Variants in SLCO3A1 observed in about 807,000 individuals in gnomAD.
The protein encoded by SLCO3A1 is solute carrier organic anion transporter family member 3A1.
SLCO3A1 carries 27 observed loss-of-function variants against 63.1 expected under a neutral mutation model. The observed-to-expected ratio is 0.43, with a 90% CI of 0.32 to 0.59. The LOEUF (loss-of-function observed/expected upper bound fraction) is 0.59, where lower values mean the gene tolerates loss of function less well. SLCO3A1 is among the 20% of genes least tolerant of loss of function. The pLI is 0.09. For synonymous variants in SLCO3A1, 473 were observed against 409.9 expected, an observed-to-expected ratio of 1.15 and a Z score of -1.86; for missense variants, 773 against 945.8, an observed-to-expected ratio of 0.82 and a Z score of 2.40.
chr15:91,979,687 A>G (rs574611112), intron 2 of SLCO3A1, among the ~76,000 whole-genome samples: 1 of 152,358 alleles, frequency 6.6e-6, no homozygotes, highest in African/African-American at 2.4e-5. Flanking sequence ...GCTTTATCTC[A>G]TTAAACCTCC....
At chr15:92,117,053 G>A (rs1428998728) in intron 4 of SLCO3A1, among the ~76,000 whole-genome samples, 1 of 152,178 alleles carries the variant, frequency 6.6e-6, no homozygotes, top group Non-Finnish European at 1.5e-5. Context: ...CTTCTATCTT[G>A]ACAAGGAATC....
rs1049195476 is a variant in SLCO3A1, at chr15:92,033,500, A to G, written c.647-61381A>G. Among the ~76,000 whole-genome samples the G allele has an allele frequency of 6.6e-6, 1 of 152,212 alleles. No individual in the cohort carries two copies. Among genetic ancestry groups the G allele is most frequent in the Non-Finnish European group, 1.5e-5 (1 of 68,040 alleles). On this transcript the variant is annotated intron_variant, in intron 2 of 9. Transcript: ENST00000318445. The surrounding 1 kb of genome is among the most constrained non-coding windows in gnomAD (Gnocchi z 4.5). ...GGAACTAAATGCCGAGACGGTGGGC[A>G]AAGGAGAACGAGGGAGGAGCAGAGG...
intron 3 of SLCO3A1, chr15:92,098,068 G>A (rs542980815): frequency 2.7e-3 from 418 of 152,496 alleles, no homozygotes; most frequent in South Asian, 7.7e-3. Flanking sequence ...TGGGGTCCAG[G>A]AAAAGCAGCA....
At chr15:91,919,171 G>A (rs1015949690) in intron 2 of SLCO3A1, among the ~76,000 whole-genome samples, 11 of 152,314 alleles carry the variant, frequency 7.2e-5, no homozygotes, top group Admixed American at 6.5e-5. Context: ...TGGCCGTGTC[G>A]TAGCTTCCAC....
chr15:91,906,156 C>T (rs993671729), intron 1 of SLCO3A1, among the ~76,000 whole-genome samples: 1 of 152,178 alleles, frequency 6.6e-6, no homozygotes, highest in Non-Finnish European at 1.5e-5. Context: ...ACGTAAAGCG[C>T]TCCATACTGG....
chr15:91,889,045 AC>A (rs1416133262), intron 1 of SLCO3A1: 20 of 701,180 alleles, frequency 2.9e-5, no homozygotes, highest in Middle Eastern at 3.5e-4. Flanking sequence ...AAAAAAAAAA[AC>A]CTACAATTAT....
Position 92,029,987 on chromosome 15 carries a change from T to A in SLCO3A1, c.647-64894T>A, listed in dbSNP as rs373504783. On this transcript the variant is annotated intron_variant, in intron 2 of 9. Transcript: ENST00000318445. ...GCCGGCTCAGTCTGGCTTCAACCGT[T>A]GCATTATTACTCTAATAAAATGTCC... 9.2e-5 allele frequency among the ~76,000 whole-genome samples: 14 copies of A among 152,246 alleles called. No homozygotes were observed. In the East Asian group the frequency reaches 1.9e-3, roughly 21 times the overall value.
chr15:92,097,852 C>T (rs1036101309), intron 3 of SLCO3A1: 2 of 152,186 alleles, frequency 1.3e-5, no homozygotes, highest in African/African-American at 4.8e-5. Flanking sequence ...TGTTTCTAGT[C>T]TTGTGAAACT....
chr15:91,913,806 G>T (rs975918202), intron 1 of SLCO3A1, among the ~76,000 whole-genome samples: 1 of 152,128 alleles, frequency 6.6e-6, no homozygotes, highest in South Asian at 2.1e-4. Flanking sequence ...AGACACACCC[G>T]GTTGGTCAGC....
At chr15:92,045,861 A>G (rs951419569) in intron 2 of SLCO3A1, among the ~76,000 whole-genome samples, 1 of 152,146 alleles carries the variant, frequency 6.6e-6, no homozygotes, top group Non-Finnish European at 1.5e-5. Context: ...ACTTGGCTTC[A>G]GTCACCCAGT....
chr15:92,025,698 A>G (rs1039417694), intron 2 of SLCO3A1, among the ~76,000 whole-genome samples: 5 of 152,164 alleles, frequency 3.3e-5, no homozygotes, highest in African/African-American at 1.2e-4. Context: ...AGCTGTCTCT[A>G]TGAGTTTAGT....
rs1315429573 is a variant in SLCO3A1, at chr15:91,860,945, C to T, written c.180+6857C>T. 2.0e-5 allele frequency among the ~76,000 whole-genome samples: 3 copies of T among 152,194 alleles called. No individual in the cohort carries two copies. The highest frequency in any genetic ancestry group is 6.5e-5 in the Admixed American group (1 of 15,282). On this transcript the variant is annotated intron_variant, in intron 1 of 9. Coordinates refer to ENST00000318445, the MANE Select transcript of SLCO3A1 (RefSeq NM_013272.4). The surrounding 1 kb of genome is among the most constrained non-coding windows in gnomAD (Gnocchi z 5.5). ...TCCCATCCCATGGATTCATCCATCT[C>T]GGCTTACGGACATACCTTCTGCACA...
At chr15:91,995,434 G>T (rs1413307751) in intron 2 of SLCO3A1, among the ~76,000 whole-genome samples, 4 of 152,098 alleles carry the variant, frequency 2.6e-5, no homozygotes, top group Admixed American at 2.6e-4. Flanking sequence ...TGATTATATT[G>T]GACAGCTAGT....
chr15:92,104,643 T>C lies in SLCO3A1; in HGVS notation c.1009+101T>C, dbSNP rs944772594. Reference sequence around the variant, plus strand: ...CCCAGGACTGGGGTGCTTGGGGACTTGGTGGAGGCAGAATAATATTGGCTT... The same window carrying C: ...CCCAGGACTGGGGTGCTTGGGGACTCGGTGGAGGCAGAATAATATTGGCTT... On this transcript the variant is annotated intron_variant, in intron 4 of 9. Coordinates refer to ENST00000318445, the MANE Select transcript of SLCO3A1 (RefSeq NM_013272.4). 5 of 1,218,998 alleles carry C rather than the reference T, an allele frequency of 4.1e-6. No homozygotes were observed. The Middle Eastern group carries it at 8.2e-4, about 199-fold the overall frequency. The allele number at this position is 1,218,998 out of a possible 1,614,324, so 75.5% of individuals were successfully genotyped here.
intron 7 of SLCO3A1, among the ~76,000 whole-genome samples, chr15:92,142,066 G>A (rs1293898187): frequency 1.3e-5 from 2 of 152,206 alleles, no homozygotes; most frequent in African/African-American, 4.8e-5. Context: ...TCACAGCTAT[G>A]AATAAATTAA....
chr15:91,902,217 G>T (rs981093168), intron 1 of SLCO3A1, among the ~76,000 whole-genome samples: 2 of 151,832 alleles, frequency 1.3e-5, no homozygotes, highest in African/African-American at 4.8e-5. Flanking sequence ...TAAGAGACAA[G>T]AGTCTCACTC....
At position 91,875,841 on chromosome 15, in the gene SLCO3A1, T is replaced by TCC. The variant is rs1897386168; in HGVS notation, c.180+21753_180+21754insCC. Among the ~76,000 whole-genome samples, 1 of 152,238 alleles carries TCC rather than the reference T, an allele frequency of 6.6e-6. No homozygotes were observed. Among genetic ancestry groups the TCC allele is most frequent in the East Asian group, 1.9e-4 (1 of 5,194 alleles). On this transcript the variant is annotated intron_variant, in intron 1 of 9. Transcript: ENST00000318445. The surrounding 1 kb of genome is among the most constrained non-coding windows in gnomAD (Gnocchi z 4.5). ...TTTATTGGAACACAGCCATGCTGAT[T>TCC]TATGTATATATTATCATCATCATGT... is the stretch of plus-strand genomic sequence containing the variant.
intron 2 of SLCO3A1, among the ~76,000 whole-genome samples, chr15:91,976,945 C>T (rs921684584): frequency 2.6e-5 from 4 of 152,112 alleles, no homozygotes; most frequent in Admixed American, 1.3e-4. Flanking sequence ...AAGTTTCAGG[C>T]ACCACTGTCA....
Position 91,980,877 on chromosome 15 carries a change from G to A in SLCO3A1, c.646+64419G>A, listed in dbSNP as rs556737999. Among the ~76,000 whole-genome samples the A allele has an allele frequency of 5.3e-5, 8 of 152,328 alleles. No homozygotes were observed. In the East Asian group the frequency reaches 9.7e-4, roughly 18 times the overall value. On this transcript the variant is annotated intron_variant, in intron 2 of 9. Transcript: ENST00000318445. ...TCCAGTGCACCGTGATGCTGAAGAC[G>A]GAGGTGCTTCCCTTGGCCTTGGGTC...
Sources: allele counts gnomAD v4.1 joint callset (sites outside exome capture counted in the v4.1 genomes callset), GRCh38; gene constraint gnomAD v4.1.1; non-coding constraint Gnocchi (gnomAD v3.1); transcripts MANE v1.5; gene names NCBI Gene and HGNC (gene_info 2026-07-23, HGNC 2026-07-21).